The following SLC26A8 variants were observed in gnomAD, a reference collection of about 807,000 sequenced individuals.
SLC26A8 encodes testis anion transporter 1.
SLC26A8 carries 70 observed loss-of-function variants against 105.0 expected under a neutral mutation model. The ratio of observed to expected loss-of-function variants is 0.67; its 90% CI spans 0.55 to 0.81. The LOEUF (loss-of-function observed/expected upper bound fraction) is 0.81, where lower values mean the gene tolerates loss of function less well. Ranked by LOEUF, SLC26A8 falls within the 40% of genes least tolerant of loss-of-function variation. SLC26A8 has a pLI of 0.00. For synonymous variants in SLC26A8, 415 were observed against 438.3 expected (o/e 0.95, Z 0.66); for missense variants, 998 against 1,181.8 (o/e 0.84, Z 2.28).
Position 35,964,473 on chromosome 6 carries a change from C to A in SLC26A8, c.1366-1852G>T, listed in dbSNP as rs566353795. Among the ~76,000 whole-genome samples, 12 of 152,108 alleles carry A rather than the reference C, an allele frequency of 7.9e-5. No individual in the cohort carries two copies. The South Asian group carries it at 2.3e-3, about 29-fold the overall frequency. On this transcript the variant is annotated intron_variant, in intron 11 of 19. Transcript: ENST00000490799. ...ACAAATTTAGCCCATGTGGCAAAAA[C>A]CTGTCTCTACTACAAATACAAAAAT...
At chr6:36,011,580 T>G (rs1274972317) in intron 3 of SLC26A8, among the ~76,000 whole-genome samples, 1 of 152,212 alleles carries the variant, frequency 6.6e-6, no homozygotes, top group Non-Finnish European at 1.5e-5. Flanking sequence ...GCTGGAGAGA[T>G]GCTGGCATGC....
rs1293886316 is a variant in SLC26A8 at position 35,993,189 on chromosome 6, A to AGG, written c.628-517_628-516dup. 1.9e-4 allele frequency among the ~76,000 whole-genome samples: 9 copies of AGG among 47,092 alleles called. 1 individual carries two copies. Among genetic ancestry groups the AGG allele is most frequent in the African/African-American group, 3.2e-4 (5 of 15,762 alleles). The allele number at this position is 47,092 out of a possible 152,430, so 30.9% of individuals were successfully genotyped here. A position where few individuals can be genotyped will look rare whatever the true frequency, so the allele number is the denominator to read the frequency against. ...TTTTTTTTTTTTTGATAGAGATTGG[A>AGG]GGGGGGGGTCTTGCTATATTACCTA... On this transcript the variant is annotated intron_variant, in intron 5 of 19. Coordinates refer to ENST00000490799, the MANE Select transcript of SLC26A8 (RefSeq NM_052961.4).
chr6:35,968,609 G>GTGTA (rs1168496588), intron 11 of SLC26A8, among the ~76,000 whole-genome samples: 93 of 60,040 alleles, frequency 1.5e-3, no homozygotes, highest in East Asian at 2.9e-3. Flanking sequence ...GTGTGTGTGT[G>GTGTA]TATATATATA....
intron 3 of SLC26A8, among the ~76,000 whole-genome samples, chr6:36,004,915 C>T (rs1057245019): frequency 2.7e-5 from 4 of 150,890 alleles, no homozygotes; most frequent in South Asian, 4.2e-4. Flanking sequence ...ATCTGCCTGC[C>T]TTGGCCTCCC....
chr6:36,008,327 T>A (rs1323403225), intron 3 of SLC26A8, among the ~76,000 whole-genome samples: 1 of 150,144 alleles, frequency 6.7e-6, no homozygotes, highest in South Asian at 2.1e-4. Flanking sequence ...AAACAAAAGC[T>A]CAAAAATTAA....
intron 19 of SLC26A8, among the ~76,000 whole-genome samples, chr6:35,949,962 C>A (rs548904756): frequency 6.6e-6 from 1 of 151,884 alleles, no homozygotes; most frequent in Non-Finnish European, 1.5e-5. Flanking sequence ...CGTGCCACCA[C>A]GCCCGGCTAA....
At position 35,951,230 on chromosome 6, in the gene SLC26A8, C is replaced by A; in HGVS notation, c.2405G>T (p.Gly802Val). The change falls in exon 19 of 20, where the codon GGC (glycine) becomes GTC (valine). Residue 802 changes from glycine to valine, a missense_variant. By Grantham distance (109) the Gly-to-Val change is moderately radical (BLOSUM62 -3). Transcript: ENST00000490799. Reference sequence around the variant, plus strand: ...TTCATCGATGCTTAACTCAGAGGAGCCTATGACCTTCCTTGACAAGGCAAA... The same window carrying A: ...TTCATCGATGCTTAACTCAGAGGAGACTATGACCTTCCTTGACAAGGCAAA... ...VLFALSRKVIGSSELSIDESE... is the reference protein window; with the variant it reads ...VLFALSRKVIVSSELSIDESE... 1.9e-6 allele frequency: 3 copies of A among 1,614,030 alleles called. No individual in the cohort carries two copies. The highest frequency in any genetic ancestry group is 2.5e-6 in the Non-Finnish European group (3 of 1,180,022).
chr6:35,975,511 T>A (rs763037231), intron 9 of SLC26A8, 23 bp from the exon 10 acceptor site: 2 of 1,480,508 alleles, frequency 1.4e-6, no homozygotes, highest in Non-Finnish European at 1.9e-6. Context: ...AGCAGATGCT[T>A]TAGGCCCCCG....
intron 8 of SLC26A8, among the ~76,000 whole-genome samples, chr6:35,979,007 ATTTTTTTTTTTTTTT>A (rs34335766): frequency 3.2e-4 from 31 of 98,306 alleles, no homozygotes; most frequent in African/African-American, 1.2e-3. Flanking sequence ...CACCTGGCTA[ATTTTTTTTTTTTTTT>A]TTTTTTTTTT....
chr6:36,007,613 C>T lies in SLC26A8; in HGVS notation c.328+4620G>A, dbSNP rs374040726. Among the ~76,000 whole-genome samples, 13 of 151,932 alleles carry T rather than the reference C, an allele frequency of 8.6e-5. No homozygotes were observed. In the South Asian group the frequency reaches 1.0e-3, roughly 12 times the overall value. The stretch of plus-strand genomic sequence containing the variant: ...AGATAAGCTGATTATAAAATGAATA[C>T]GGAAGAATAGCTAAAACAATTTTGG... On this transcript the variant is annotated intron_variant, in intron 3 of 19. Coordinates refer to ENST00000490799, the MANE Select transcript of SLC26A8 (RefSeq NM_052961.4).
At chr6:35,951,985 G>A (rs745482687) in intron 17 of SLC26A8, among the ~76,000 whole-genome samples, 5 of 152,224 alleles carry the variant, frequency 3.3e-5, no homozygotes, top group South Asian at 2.1e-4. Context: ...TCTCTATGCC[G>A]GAAAACATCT....
chr6:36,016,190 C>T (rs1395203927), intron 2 of SLC26A8, among the ~76,000 whole-genome samples: 1 of 152,016 alleles, frequency 6.6e-6, no homozygotes, highest in African/African-American at 2.4e-5. Context: ...GAAGGGGTTT[C>T]ACCACGTTGG....
chr6:35,948,495 A>G (rs905193949), intron 19 of SLC26A8, among the ~76,000 whole-genome samples: 1 of 152,180 alleles, frequency 6.6e-6, no homozygotes, highest in Non-Finnish European at 1.5e-5. Context: ...ACGCTGAGGC[A>G]GGACAATCAC....
At chr6:36,012,477 G>A in intron 2 of SLC26A8, 105 bp from the exon 3 acceptor site, 1 of 1,271,314 alleles carries the variant, frequency 7.9e-7, no homozygotes, top group South Asian at 1.6e-5. Context: ...GTAGAGTCTT[G>A]TCAGCACTAA....
chr6:35,993,235 C>A (rs936077005), intron 5 of SLC26A8, among the ~76,000 whole-genome samples: 66 of 148,376 alleles, frequency 4.4e-4, no homozygotes, highest in African/African-American at 1.6e-3. Context: ...GAACTCCTGA[C>A]CTCAAGTGAT....
intron 3 of SLC26A8, 90 bp from the exon 4 acceptor site, chr6:36,000,198 T>C: frequency 1.2e-6 from 1 of 822,342 alleles, no homozygotes; most frequent in Non-Finnish European, 2.0e-6. Context: ...ATAAAAATCA[T>C]CCATGTGTAT....
At chr6:35,967,150 T>C (rs1432994642) in intron 11 of SLC26A8, among the ~76,000 whole-genome samples, 1 of 152,182 alleles carries the variant, frequency 6.6e-6, no homozygotes, top group African/African-American at 2.4e-5. Context: ...CCTCCTTGCA[T>C]AGATTCCATG....
intron 2 of SLC26A8, among the ~76,000 whole-genome samples, chr6:36,018,433 T>C (rs1323180451): frequency 5.3e-5 from 8 of 152,216 alleles, no homozygotes; most frequent in African/African-American, 4.8e-5. Flanking sequence ...TATTGTATGA[T>C]TCTACTTAAG....
chr6:35,992,404 G>C, intron 6 of SLC26A8, 106 bp downstream of exon 6: 1 of 1,186,636 alleles, frequency 8.4e-7, no homozygotes, highest in African/African-American at 1.5e-5. Flanking sequence ...CCTATAGGCT[G>C]TGTCTCCTTT....
Sources: allele counts gnomAD v4.1 joint callset (sites outside exome capture counted in the v4.1 genomes callset), GRCh38; gene constraint gnomAD v4.1.1; transcripts MANE v1.5; gene names NCBI Gene and HGNC (gene_info 2026-07-23, HGNC 2026-07-21).